Variants in TJP1 observed in about 807,000 individuals in gnomAD.
The protein encoded by TJP1 is tight junction protein 1.
In TJP1, 43 loss-of-function variants were observed where a neutral mutation model predicts 194.2. That is an observed-to-expected ratio of 0.22 (90% CI 0.17 to 0.29). The LOEUF is 0.29. Among genes scored for constraint, TJP1 ranks in the 10% least tolerant of loss-of-function variants. The probability of loss-of-function intolerance (pLI) is 1.00; values close to 1 mark genes in which losing one functional copy is unlikely to be tolerated. For missense variants in TJP1, 1,971 were observed against 2,185.7 expected, an observed-to-expected ratio of 0.90 and a Z score of 1.96; for synonymous variants, 801 against 779.0, an observed-to-expected ratio of 1.03 and a Z score of -0.47.
rs747082990 is a variant in TJP1 at position 29,800,657 on chromosome 15, T to C, written c.73A>G (p.Thr25Ala). The change falls in exon 2 of 28, where the codon ACG becomes GCG. Residue 25 changes from threonine (T) to alanine (A), a missense_variant. Transcript: ENST00000614355. ...CAACACAAACTTACCCTGTGAAGCG[T>C]CACTGTATGTTGTTCCCATATAGCT... ...ETAIWEQHTV[T>A]LHRAPGFGFG... 3.1e-6 allele frequency: 5 copies of C among 1,613,854 alleles called. No individual in the cohort carries two copies. In the Admixed American group the frequency reaches 5.0e-5, roughly 16 times the overall value.
At chr15:29,936,823 T>C (rs2054898669) in intron 2 of TJP1, among the ~76,000 whole-genome samples, 2 of 152,184 alleles carry the variant, frequency 1.3e-5, no homozygotes, top group Admixed American at 1.3e-4. Context: ...AAGATCCACC[T>C]TGGGTTTATC....
chr15:29,707,602 C>CT (rs1299240627), intron 25 of TJP1, among the ~76,000 whole-genome samples: 1 of 152,148 alleles, frequency 6.6e-6, no homozygotes, highest in Admixed American at 6.5e-5. Flanking sequence ...ATGGAACTGG[C>CT]TGTAGGAGGC....
At chr15:29,968,200 G>A in intron 1 of TJP1, 1 of 985,402 alleles carries the variant, frequency 1.0e-6, no homozygotes, top group Middle Eastern at 5.2e-4. Flanking sequence ...CCCTTGCCTT[G>A]CTCGTCCTCT....
chr15:29,718,865 A>G lies in TJP1; in HGVS notation c.3277T>C (p.Tyr1093His), dbSNP rs753506578. 2 of 1,614,200 alleles carry G rather than the reference A, an allele frequency of 1.2e-6. No individual in the cohort carries two copies. The highest frequency in any genetic ancestry group is 2.2e-5 in the South Asian group (2 of 91,078). Residue 1093 changes from tyrosine (Y) to histidine (H), a missense_variant, in exon 21 of 28, where the codon TAT (tyrosine) becomes CAT (histidine). Coordinates refer to ENST00000614355, the MANE Select transcript of TJP1 (RefSeq NM_001330239.4). The part of the protein sequence containing the change: ...RVPMYEEQWS[Y>H]YDDKQPYPSR... Reference sequence around the variant, plus strand: ...GGGTAGGGCTGTTTGTCATCATAATATGACCACTGTTCTTCATACATGGGG... The same window carrying G: ...GGGTAGGGCTGTTTGTCATCATAATGTGACCACTGTTCTTCATACATGGGG...
At chr15:29,779,953 A>G (rs2047253724) in intron 2 of TJP1, among the ~76,000 whole-genome samples, 1 of 151,896 alleles carries the variant, frequency 6.6e-6, no homozygotes, top group African/African-American at 2.4e-5. Flanking sequence ...AAACAAACAA[A>G]CAAACAAACA....
At chr15:29,723,360 T>C (rs531886287) in intron 18 of TJP1, among the ~76,000 whole-genome samples, 4 of 152,148 alleles carry the variant, frequency 2.6e-5, no homozygotes, top group Non-Finnish European at 5.9e-5. Flanking sequence ...TCTCCCAAGC[T>C]CTGTCTGTTT....
chr15:29,954,035 C>G (rs2055852573), intron 2 of TJP1, among the ~76,000 whole-genome samples: 1 of 152,166 alleles, frequency 6.6e-6, no homozygotes, highest in South Asian at 2.1e-4. Flanking sequence ...GATACTAAGA[C>G]ATTTCACTTT....
intron 2 of TJP1, among the ~76,000 whole-genome samples, chr15:29,850,392 G>A (rs946151875): frequency 3.3e-5 from 5 of 152,002 alleles, no homozygotes; most frequent in East Asian, 1.9e-4. Context: ...GTGTAGTGGC[G>A]CAATCTCGGC....
At chr15:29,812,824 C>T (rs979417651) in intron 1 of TJP1, among the ~76,000 whole-genome samples, 13 of 152,134 alleles carry the variant, frequency 8.5e-5, no homozygotes, top group Admixed American at 3.3e-4. Flanking sequence ...AGTCAGCATG[C>T]AATATAAGGG....
intron 18 of TJP1, among the ~76,000 whole-genome samples, chr15:29,724,319 C>T (rs183294498): frequency 1.1e-3 from 165 of 152,326 alleles, no homozygotes; most frequent in African/African-American, 3.6e-3. Context: ...TCCCTCTGAA[C>T]AAGTCTCAAT....
At chr15:29,779,025 G>C (rs2047188634) in intron 2 of TJP1, among the ~76,000 whole-genome samples, 1 of 152,122 alleles carries the variant, frequency 6.6e-6, no homozygotes, top group African/African-American at 2.4e-5. Flanking sequence ...ACTTCTAGTT[G>C]ATCTATTTTA....
chr15:29,940,894 G>A (rs1474848365), intron 2 of TJP1, among the ~76,000 whole-genome samples: 2 of 151,806 alleles, frequency 1.3e-5, no homozygotes, highest in African/African-American at 4.8e-5. Flanking sequence ...CCTCGCCCCT[G>A]CCCCGATGAC....
intron 2 of TJP1, among the ~76,000 whole-genome samples, chr15:29,858,643 A>C (rs2051955428): frequency 6.6e-6 from 1 of 151,890 alleles, no homozygotes; most frequent in African/African-American, 2.4e-5. Flanking sequence ...TCCCAGGCTC[A>C]ATCAATCCTC....
Position 29,704,311 on chromosome 15 carries a change from G to GT in TJP1, c.5069-7dup. On this transcript the variant is annotated splice_region_variant and splice_polypyrimidine_tract_variant and intron_variant, in intron 26 of 27. Transcript: ENST00000614355. The stretch of plus-strand genomic sequence containing the variant: ...AGGACTCAGCAGTGTTTCACCTGGA[G>GT]TTGGAAAAGGGGATAGGCAGAGAGG... 6.3e-7 allele frequency: 1 copy of GT among 1,586,550 alleles called. No homozygotes were observed. Among genetic ancestry groups the GT allele is most frequent in the South Asian group, 1.2e-5 (1 of 86,470 alleles).
chr15:29,793,624 AG>A (rs908393624), intron 2 of TJP1, among the ~76,000 whole-genome samples: 6 of 152,138 alleles, frequency 3.9e-5, no homozygotes, highest in African/African-American at 1.4e-4. Flanking sequence ...GACAGAGAGC[AG>A]GGAGGTTTAA....
At chr15:29,773,815 ACTT>A (rs2046842790) in intron 2 of TJP1, among the ~76,000 whole-genome samples, 1 of 152,202 alleles carries the variant, frequency 6.6e-6, no homozygotes, top group Non-Finnish European at 1.5e-5. Flanking sequence ...TCTTTCAACA[ACTT>A]CTGCCAACTC....
chr15:29,782,160 A>G (rs1223700166), intron 2 of TJP1, among the ~76,000 whole-genome samples: 4 of 152,210 alleles, frequency 2.6e-5, no homozygotes, highest in African/African-American at 7.2e-5. Context: ...AACCACTAGC[A>G]TTCTTATAAA....
Position 29,814,642 on chromosome 15 carries a change from G to GA in TJP1, c.27+7359dup, listed in dbSNP as rs371849320. ...TGGGAATTTACATTTTTTTAAAAAG[G>GA]AAAAAATATTTCGGTAAGTCAAAAA... On this transcript the variant is annotated intron_variant, in intron 1 of 27. Transcript: ENST00000614355. Among the ~76,000 whole-genome samples, 816 of 151,962 alleles carry GA rather than the reference G, an allele frequency of 5.4e-3. 5 individuals are homozygous for GA. The highest frequency in any genetic ancestry group is 0.018 in the African/African-American group (761 of 41,480).
intron 2 of TJP1, among the ~76,000 whole-genome samples, chr15:29,783,049 G>A: frequency 6.6e-6 from 1 of 152,098 alleles, no homozygotes; most frequent in Non-Finnish European, 1.5e-5. Context: ...TGAGGCTGGT[G>A]GATTACCTGA....
Sources: gnomAD v4.1 joint callset for allele counts (sites outside exome capture counted in the v4.1 genomes callset) on GRCh38, gnomAD v4.1.1 for gene constraint, MANE v1.5 for transcripts, NCBI Gene and HGNC (gene_info 2026-07-23, HGNC 2026-07-21) for gene names.